The following ZFPM2 variants were observed in gnomAD, a reference collection of about 807,000 sequenced individuals.
ZFPM2 encodes the protein zinc finger protein, FOG family member 2, also known as zinc finger protein ZFPM2.
ZFPM2 carries 20 observed loss-of-function variants against 98.6 expected under a neutral mutation model. That is an observed-to-expected ratio of 0.20 (90% CI 0.14 to 0.29). The LOEUF (loss-of-function observed/expected upper bound fraction) is 0.29. ZFPM2 is among the 10% of genes least tolerant of loss of function. The pLI, the probability that ZFPM2 is intolerant of heterozygous loss-of-function variation, is 1.00. For missense variants in ZFPM2, 1,310 were observed against 1,388.6 expected (o/e 0.94, Z 0.90); for synonymous variants, 518 against 502.7 (o/e 1.03, Z -0.41).
Position 105,485,022 on chromosome 8 carries a change from T to C in ZFPM2, c.301+40641T>C, listed in dbSNP as rs535186068. Among the ~76,000 whole-genome samples, 6 of 152,250 alleles carry C rather than the reference T, an allele frequency of 3.9e-5. No individual in the cohort carries two copies. In the South Asian group the frequency reaches 1.2e-3, roughly 32 times the overall value. On this transcript the variant is annotated intron_variant, in intron 3 of 7. Transcript: ENST00000407775. Reference sequence around the variant, plus strand: ...TGCTGACATTCTTTCAGGAAGAACATGTGTAATTTACCTCTTAAAGTCCAG... The same window carrying C: ...TGCTGACATTCTTTCAGGAAGAACACGTGTAATTTACCTCTTAAAGTCCAG...
chr8:105,399,550 G>A (rs1811293351), intron 1 of ZFPM2, among the ~76,000 whole-genome samples: 1 of 152,108 alleles, frequency 6.6e-6, no homozygotes, highest in Non-Finnish European at 1.5e-5. Flanking sequence ...ACTTCCATGA[G>A]GACAGGGACT....
chr8:105,586,848 T>TTATATATATATATATTTTA lies in ZFPM2; in HGVS notation c.420+25382_420+25383insTTTATATATATATATATAT, dbSNP rs1563731567. On this transcript the variant is annotated intron_variant, in intron 4 of 7. Coordinates refer to ENST00000407775, the MANE Select transcript of ZFPM2 (RefSeq NM_012082.4). ...GTGTGCATATTTATATATAAATATT[T>TTATATATATATATATTTTA]TATATATATATATATATTCTTTTGA... Among the ~76,000 whole-genome samples the TTATATATATATATATTTTA allele has an allele frequency of 1.3e-4, 19 of 147,006 alleles. No individual in the cohort carries two copies. In the South Asian group the frequency reaches 2.3e-3, roughly 18 times the overall value.
chr8:105,718,907 C>T (rs1395532016), intron 5 of ZFPM2, among the ~76,000 whole-genome samples: 1 of 151,724 alleles, frequency 6.6e-6, no homozygotes, highest in Non-Finnish European at 1.5e-5. Context: ...ACAAATGAGA[C>T]CCACATGTAG....
intron 4 of ZFPM2, among the ~76,000 whole-genome samples, chr8:105,617,293 C>T (rs1586152687): frequency 6.6e-6 from 1 of 152,082 alleles, no homozygotes; most frequent in African/African-American, 2.4e-5. Context: ...CCACCCTGTG[C>T]TCTTTACTGA....
At chr8:105,581,206 A>G (rs1407226970) in intron 4 of ZFPM2, among the ~76,000 whole-genome samples, 3 of 152,142 alleles carry the variant, frequency 2.0e-5, no homozygotes, top group African/African-American at 7.2e-5. Context: ...AAGGCATCCT[A>G]AAGTCATCTT....
intron 6 of ZFPM2, chr8:105,795,658 T>C (rs1813781881): frequency 3.2e-6 from 1 of 311,526 alleles, no homozygotes; most frequent in South Asian, 2.9e-5. Context: ...ACACTTTATA[T>C]GGAGAATTTT....
intron 3 of ZFPM2, among the ~76,000 whole-genome samples, chr8:105,454,452 A>G (rs1197730906): frequency 6.6e-6 from 1 of 152,200 alleles, no homozygotes; most frequent in East Asian, 1.9e-4. Context: ...GGATGCTCCA[A>G]TGCACTATCA....
intron 2 of ZFPM2, among the ~76,000 whole-genome samples, chr8:105,438,468 T>G (rs1328883846): frequency 1.3e-5 from 2 of 152,260 alleles, no homozygotes; most frequent in Admixed American, 1.3e-4. Context: ...GATCATTTTC[T>G]TTAAGTTCTA....
At chr8:105,485,276 C>T (rs892422158) in intron 3 of ZFPM2, among the ~76,000 whole-genome samples, 23 of 152,036 alleles carry the variant, frequency 1.5e-4, no homozygotes, top group Admixed American at 1.5e-3. Flanking sequence ...TGAGAGGTTA[C>T]TGGTTACTGC....
At chr8:105,434,908 T>G (rs1363040856) in intron 2 of ZFPM2, among the ~76,000 whole-genome samples, 1 of 152,224 alleles carries the variant, frequency 6.6e-6, no homozygotes, top group Non-Finnish European at 1.5e-5. Context: ...TGTCTCGGAA[T>G]GTGGCAAATC....
At chr8:105,496,643 G>A (rs986116713) in intron 3 of ZFPM2, among the ~76,000 whole-genome samples, 1 of 149,468 alleles carries the variant, frequency 6.7e-6, no homozygotes, top group African/African-American at 2.5e-5. Flanking sequence ...TCTCACTGCT[G>A]TTGAAGTGAC....
At chr8:105,446,783 T>A (rs1423263626) in intron 3 of ZFPM2, among the ~76,000 whole-genome samples, 1 of 152,142 alleles carries the variant, frequency 6.6e-6, no homozygotes, top group East Asian at 1.9e-4. Flanking sequence ...ATAACAATTT[T>A]TTTCTCTATA....
At chr8:105,622,889 T>G (rs1330126337) in intron 4 of ZFPM2, among the ~76,000 whole-genome samples, 1 of 152,178 alleles carries the variant, frequency 6.6e-6, no homozygotes, top group Non-Finnish European at 1.5e-5. Flanking sequence ...ATATAGTAAA[T>G]TTTAAAACCA....
chr8:105,585,796 G>A (rs909962621), intron 4 of ZFPM2, among the ~76,000 whole-genome samples: 13 of 152,046 alleles, frequency 8.6e-5, no homozygotes, highest in Non-Finnish European at 1.6e-4. Flanking sequence ...TCATGCCGTT[G>A]CACTCCAGTC....
In ZFPM2 at chr8:105,628,935, T is replaced by C. The variant is rs573823215; in HGVS notation, c.421-5311T>C. ...AAAAGCAAAGGACCCACTGAACTGT[T>C]AACAGTTAAGCTGACTGCGGACAGC... On this transcript the variant is annotated intron_variant, in intron 4 of 7. Coordinates refer to ENST00000407775, the MANE Select transcript of ZFPM2 (RefSeq NM_012082.4). Among the ~76,000 whole-genome samples, 11 of 152,288 alleles carry C rather than the reference T, an allele frequency of 7.2e-5. No homozygotes were observed. In the South Asian group the frequency reaches 2.3e-3, roughly 32 times the overall value.
At chr8:105,506,220 C>T (rs1813695355) in intron 3 of ZFPM2, among the ~76,000 whole-genome samples, 2 of 152,246 alleles carry the variant, frequency 1.3e-5, no homozygotes, top group African/African-American at 2.4e-5. Context: ...TATATCAATT[C>T]TGTGCTGAGA....
intron 5 of ZFPM2, among the ~76,000 whole-genome samples, chr8:105,656,480 C>G (rs570234383): frequency 6.6e-6 from 1 of 152,242 alleles, no homozygotes; most frequent in Admixed American, 6.5e-5. Context: ...ACTGTCTCCC[C>G]CCACCAACCA....
At position 105,681,916 on chromosome 8, in the gene ZFPM2, C is replaced by A. The variant is rs542039850; in HGVS notation, c.532+47559C>A. Among the ~76,000 whole-genome samples the A allele has an allele frequency of 2.4e-4, 37 of 152,032 alleles. No individual in the cohort carries two copies. The South Asian group carries it at 5.6e-3, about 23-fold the overall frequency. On this transcript the variant is annotated intron_variant, in intron 5 of 7. Transcript: ENST00000407775. ...GATTAAACTCTATGAAGGCTGTTAC[C>A]CTGTGCAGGAGGCCTTCTCAGTCAC...
intron 5 of ZFPM2, among the ~76,000 whole-genome samples, chr8:105,680,019 C>A (rs775377159): frequency 2.6e-5 from 4 of 152,046 alleles, no homozygotes; most frequent in African/African-American, 7.2e-5. Flanking sequence ...TTGATTTGTT[C>A]TCCACATTTT....
Sources: allele counts gnomAD v4.1 joint callset (sites outside exome capture counted in the v4.1 genomes callset), GRCh38; gene constraint gnomAD v4.1.1; transcripts MANE v1.5; gene names NCBI Gene and HGNC (gene_info 2026-07-23, HGNC 2026-07-21).